Variants in SERINC5 observed in about 807,000 individuals in gnomAD.
SERINC5 encodes the protein serine incorporator 5.
In SERINC5, 41 loss-of-function variants were observed where a neutral mutation model predicts 63.1. The observed-to-expected ratio is 0.65, with a 90% confidence interval of 0.51 to 0.84. SERINC5 has a LOEUF of 0.84. Among genes scored for constraint, SERINC5 ranks in the 40% least tolerant of loss-of-function variants. The pLI, the probability that SERINC5 is intolerant of heterozygous loss-of-function variation, is 0.00. For missense variants in SERINC5, 523 were observed against 573.0 expected, an observed-to-expected ratio of 0.91 and a Z score of 0.89; for synonymous variants, 222 against 215.2, an observed-to-expected ratio of 1.03 and a Z score of -0.28.
chr5:80,150,874 G>T lies in SERINC5; in HGVS notation c.1053+8C>A. On this transcript the variant is annotated splice_region_variant and intron_variant, in intron 9 of 11. Coordinates refer to ENST00000507668, the MANE Select transcript of SERINC5 (RefSeq NM_001174072.3). ...ATGAAGCAGGACAGGAAAAGGAAAT[G>T]AACTTACCTCCAATTCAGGAGCTGC... 1 of 1,602,716 alleles carries T rather than the reference G, an allele frequency of 6.2e-7. No homozygotes were observed. The highest frequency in any genetic ancestry group is 8.5e-7 in the Non-Finnish European group (1 of 1,169,612).
At position 80,146,163 on chromosome 5, in the gene SERINC5, T is replaced by C. The variant is rs770124362; in HGVS notation, c.1165A>G (p.Ile389Val). The C allele has an allele frequency of 1.3e-5, 21 of 1,614,024 alleles. No individual in the cohort carries two copies. Among genetic ancestry groups the C allele is most frequent in the Non-Finnish European group, 6.8e-6 (8 of 1,179,856 alleles). Residue 389 changes from isoleucine to valine, a missense_variant, in exon 11 of 12, where the codon ATC becomes GTC. Ile to Val is a conservative substitution (Grantham distance 29). Transcript: ENST00000507668. ...AACACGAAGTGGAAGTAGGAGTAGA[T>C]GTAGACGGTGCCTTTCTTCTCGTCA... ...IYDEKKGTVY[I>V]YSYFHFVFFL...
chr5:80,230,764 C>G (rs757152056), intron 1 of SERINC5, among the ~76,000 whole-genome samples: 6 of 151,382 alleles, frequency 4.0e-5, no homozygotes, highest in Non-Finnish European at 8.8e-5. Flanking sequence ...GGGTCCAAAC[C>G]CAGGTATAAT....
intron 1 of SERINC5, among the ~76,000 whole-genome samples, chr5:80,238,103 C>CAA (rs759062486): frequency 0.11 from 7,359 of 65,408 alleles, 396 homozygotes; most frequent in Non-Finnish European, 0.15. Flanking sequence ...GACTCTGTCT[C>CAA]AAAAAAAAAA....
intron 1 of SERINC5, among the ~76,000 whole-genome samples, chr5:80,243,834 A>G (rs1752050123): frequency 6.6e-6 from 1 of 152,134 alleles, no homozygotes; most frequent in Non-Finnish European, 1.5e-5. Context: ...CTCCAGAACC[A>G]GACTTGCCTC....
In SERINC5 at chr5:80,256,022, C is replaced by T; in HGVS notation, c.-100G>A. The T allele has an allele frequency of 4.0e-6, 5 of 1,236,476 alleles. No homozygotes were observed. The highest frequency in any genetic ancestry group is 1.6e-5 in the South Asian group (1 of 61,802). 76.6% of individuals were successfully genotyped at this position (1,236,476 alleles called of 1,614,324 possible). A position where few individuals can be genotyped will look rare whatever the true frequency, so the allele number is the denominator to read the frequency against. On this transcript the variant is annotated 5_prime_UTR_variant, in exon 1 of 12. It adds an upstream start codon to the 5' untranslated region. Coordinates refer to ENST00000507668, the MANE Select transcript of SERINC5 (RefSeq NM_001174072.3). Reference sequence around the variant, plus strand: ...GAGCGCTGGGCTCAGCCGCAGCTCACACTTGAACGAAGATCAGCCTCGGCG... The same window carrying T: ...GAGCGCTGGGCTCAGCCGCAGCTCATACTTGAACGAAGATCAGCCTCGGCG...
chr5:80,156,254 T>C (rs553933640), intron 8 of SERINC5, among the ~76,000 whole-genome samples: 19 of 152,310 alleles, frequency 1.2e-4, no homozygotes, highest in Admixed American at 3.3e-4. Flanking sequence ...TGTGGCCTTT[T>C]TGTAACATCC....
At chr5:80,200,743 AT>A (rs1434720813) in intron 2 of SERINC5, among the ~76,000 whole-genome samples, 2 of 152,160 alleles carry the variant, frequency 1.3e-5, no homozygotes, top group Non-Finnish European at 2.9e-5. Context: ...GAATAAGAAT[AT>A]ACAAAGTGCT....
At chr5:80,253,084 GATC>G (rs1467562985) in intron 1 of SERINC5, among the ~76,000 whole-genome samples, 4 of 151,990 alleles carry the variant, frequency 2.6e-5, no homozygotes, top group Non-Finnish European at 4.4e-5. Context: ...TCAGTAATGC[GATC>G]ATCATCTACC....
intron 4 of SERINC5, among the ~76,000 whole-genome samples, chr5:80,176,220 T>A (rs543258787): frequency 9.9e-5 from 15 of 152,030 alleles, no homozygotes; most frequent in East Asian, 7.7e-4. Context: ...GACCAGAGGG[T>A]TTCTAGGTCT....
chr5:80,145,148 A>G (rs1407612806), intron 11 of SERINC5, among the ~76,000 whole-genome samples: 1 of 151,794 alleles, frequency 6.6e-6, no homozygotes, highest in Non-Finnish European at 1.5e-5. Context: ...AGACCAGCCT[A>G]GCCAATATGG....
intron 1 of SERINC5, among the ~76,000 whole-genome samples, chr5:80,222,226 A>G (rs1750934880): frequency 6.6e-6 from 1 of 152,086 alleles, no homozygotes; most frequent in Non-Finnish European, 1.5e-5. Flanking sequence ...ACACTGAGGA[A>G]CAAACACAGA....
At chr5:80,180,646 G>A (rs948856212) in intron 2 of SERINC5, among the ~76,000 whole-genome samples, 1 of 152,190 alleles carries the variant, frequency 6.6e-6, no homozygotes, top group African/African-American at 2.4e-5. Flanking sequence ...AAGGCATGCA[G>A]GAAAAGGGGG....
At chr5:80,188,884 C>T (rs955623152) in intron 2 of SERINC5, among the ~76,000 whole-genome samples, 20 of 152,126 alleles carry the variant, frequency 1.3e-4, no homozygotes, top group Non-Finnish European at 1.9e-4. Flanking sequence ...GCCATGATCG[C>T]GCCACTGCAC....
Position 80,255,894 on chromosome 5 carries a change from A to C in SERINC5, c.27+2T>G. ...CCCCGCGCTGCGCCCGGCCTCGCTC[A>C]CCTGGCCCGCACAGCACTGAGCTGA... On this transcript the variant is annotated splice_donor_variant, in intron 1 of 11. Transcript: ENST00000507668. LOFTEE classifies it high-confidence loss of function. The C allele has an allele frequency of 6.3e-7, 1 of 1,589,138 alleles. No homozygotes were observed. The highest frequency in any genetic ancestry group is 8.5e-7 in the Non-Finnish European group (1 of 1,172,674).
At chr5:80,171,429 G>A (rs1747649225) in intron 5 of SERINC5, among the ~76,000 whole-genome samples, 2 of 152,172 alleles carry the variant, frequency 1.3e-5, no homozygotes, top group Non-Finnish European at 2.9e-5. Flanking sequence ...CATACTGGCT[G>A]ACCTTAGCTC....
intron 1 of SERINC5, among the ~76,000 whole-genome samples, chr5:80,224,564 A>G (rs963261234): frequency 2.0e-5 from 3 of 152,222 alleles, no homozygotes; most frequent in African/African-American, 7.2e-5. Flanking sequence ...GGGGAAGAAA[A>G]GAGAAAATAG....
intron 2 of SERINC5, among the ~76,000 whole-genome samples, chr5:80,189,382 G>T (rs557225157): frequency 1.3e-5 from 2 of 152,124 alleles, no homozygotes; most frequent in East Asian, 3.9e-4. Flanking sequence ...AACCAAAGCC[G>T]GGAAGAGAGT....
intron 2 of SERINC5, among the ~76,000 whole-genome samples, chr5:80,189,771 G>T (rs886501071): frequency 1.3e-5 from 2 of 152,090 alleles, no homozygotes; most frequent in African/African-American, 4.8e-5. Context: ...GAGTGCAGTG[G>T]CACAATCATA....
chr5:80,159,051 C>T, intron 7 of SERINC5, 89 bp from the exon 8 acceptor site: 3 of 1,345,734 alleles, frequency 2.2e-6, no homozygotes, highest in Non-Finnish European at 3.1e-6. Context: ...ATTCAGGTAG[C>T]TGTGGTGTAC....
Sources: gnomAD v4.1 joint callset for allele counts (sites outside exome capture counted in the v4.1 genomes callset) on GRCh38, gnomAD v4.1.1 for gene constraint, MANE v1.5 for transcripts, NCBI Gene and HGNC (gene_info 2026-07-23, HGNC 2026-07-21) for gene names.